Variants in TBC1D22A observed in about 807,000 individuals in gnomAD.
TBC1D22A encodes the protein TBC1 domain family member 22A, also known as putative GTPase activator.
A neutral mutation model predicts 60.2 loss-of-function variants in TBC1D22A; 38 were observed. That is an observed-to-expected ratio of 0.63 (90% CI 0.49 to 0.83). TBC1D22A has a LOEUF of 0.83. Among genes scored for constraint, TBC1D22A ranks in the 40% least tolerant of loss-of-function variants. The pLI, the probability that TBC1D22A is intolerant of heterozygous loss-of-function variation, is 0.00. For missense variants in TBC1D22A, 628 were observed against 701.0 expected (o/e 0.90, Z 1.18); for synonymous variants, 302 against 281.7 (o/e 1.07, Z -0.72).
intron 12 of TBC1D22A, among the ~76,000 whole-genome samples, chr22:47,154,957 G>C (rs564555552): frequency 6.6e-6 from 1 of 152,332 alleles, no homozygotes; most frequent in Admixed American, 6.5e-5. Context: ...GCTGCCCGCT[G>C]GGCATTTCTT....
chr22:46,963,517 G>A (rs1038893685), intron 8 of TBC1D22A, among the ~76,000 whole-genome samples: 4 of 152,180 alleles, frequency 2.6e-5, no homozygotes, highest in Non-Finnish European at 2.9e-5. Flanking sequence ...AGCTCCCAGC[G>A]AGCACTACAC....
At chr22:46,766,090 C>G (rs913372437) in intron 1 of TBC1D22A, among the ~76,000 whole-genome samples, 76 of 151,882 alleles carry the variant, frequency 5.0e-4, no homozygotes, top group Non-Finnish European at 9.4e-4. Flanking sequence ...CTCCGCCTCC[C>G]GGGTTCACGC....
intron 11 of TBC1D22A, among the ~76,000 whole-genome samples, chr22:47,089,338 A>G (rs5767478): frequency 0.44 from 66,741 of 152,176 alleles, 15,025 homozygotes; most frequent in East Asian, 0.58. Context: ...AGCAGCATGC[A>G]GGCAGAGCGG....
intron 10 of TBC1D22A, among the ~76,000 whole-genome samples, chr22:47,035,452 T>A (rs1258376993): frequency 6.6e-6 from 1 of 152,186 alleles, no homozygotes; most frequent in African/African-American, 2.4e-5. Flanking sequence ...GCTGTTCTGC[T>A]CCACCCAGTT....
chr22:46,926,718 A>G (rs1328319031), intron 8 of TBC1D22A, among the ~76,000 whole-genome samples: 1 of 152,224 alleles, frequency 6.6e-6, no homozygotes, highest in East Asian at 1.9e-4. Context: ...TTGAAGAAGT[A>G]GGAATTCTTC....
At chr22:47,101,312 GCCC>G (rs1192264830) in intron 11 of TBC1D22A, among the ~76,000 whole-genome samples, 5 of 152,014 alleles carry the variant, frequency 3.3e-5, no homozygotes, top group African/African-American at 1.2e-4. Flanking sequence ...GTGTCCCCCT[GCCC>G]CCCAAACCAG....
intron 12 of TBC1D22A, among the ~76,000 whole-genome samples, chr22:47,172,605 A>C (rs2068527287): frequency 6.6e-6 from 1 of 152,216 alleles, no homozygotes; most frequent in African/African-American, 2.4e-5. Flanking sequence ...AGTCTGATCA[A>C]ATGTCACTTC....
At chr22:47,074,557 A>G (rs1047929017) in intron 11 of TBC1D22A, among the ~76,000 whole-genome samples, 2 of 152,334 alleles carry the variant, frequency 1.3e-5, no homozygotes, top group South Asian at 2.1e-4. Flanking sequence ...TGAATAATTT[A>G]CTTCTTTGGC....
intron 12 of TBC1D22A, among the ~76,000 whole-genome samples, chr22:47,163,494 G>C (rs1200296232): frequency 6.6e-6 from 1 of 152,224 alleles, no homozygotes; most frequent in Non-Finnish European, 1.5e-5. Flanking sequence ...CGGTGTGTGC[G>C]ATTCAGTCCT....
At chr22:46,822,384 T>C (rs1008072994) in intron 4 of TBC1D22A, among the ~76,000 whole-genome samples, 24 of 152,186 alleles carry the variant, frequency 1.6e-4, no homozygotes, top group African/African-American at 5.3e-4. Flanking sequence ...GTTTGTCTAG[T>C]TTCGGTCTTT....
chr22:47,120,246 T>C (rs547413337), intron 12 of TBC1D22A, among the ~76,000 whole-genome samples: 34 of 152,216 alleles, frequency 2.2e-4, no homozygotes, highest in Non-Finnish European at 4.1e-4. Context: ...TAAGTAGAAC[T>C]AAAATTAATA....
At chr22:47,113,705 C>G (rs571052229) in intron 12 of TBC1D22A, among the ~76,000 whole-genome samples, 111 of 152,276 alleles carry the variant, frequency 7.3e-4, no homozygotes, top group Middle Eastern at 3.4e-3. Flanking sequence ...CAAGGTGGCT[C>G]GAGGCAGACC....
At chr22:46,883,241 A>C (rs1363555477) in intron 5 of TBC1D22A, among the ~76,000 whole-genome samples, 1 of 152,248 alleles carries the variant, frequency 6.6e-6, no homozygotes, top group Non-Finnish European at 1.5e-5. Flanking sequence ...GCATAGGAAC[A>C]CAGTGGGAGG....
chr22:46,950,483 G>A (rs1247118254), intron 8 of TBC1D22A, among the ~76,000 whole-genome samples: 2 of 152,190 alleles, frequency 1.3e-5, no homozygotes, highest in Admixed American at 1.3e-4. Context: ...AGGTCCTTGT[G>A]TCCACTGTGG....
chr22:47,142,721 G>A (rs2067151335), intron 12 of TBC1D22A, among the ~76,000 whole-genome samples: 1 of 9,154 alleles, frequency 1.1e-4, no homozygotes, highest in Non-Finnish European at 1.9e-4. Context: ...CCCCATTCAT[G>A]TATCCACCCA....
chr22:47,124,868 A>T (rs1469393734), intron 12 of TBC1D22A, among the ~76,000 whole-genome samples: 1 of 152,106 alleles, frequency 6.6e-6, no homozygotes, highest in Admixed American at 6.5e-5. Context: ...GGCCACTGGG[A>T]GGACAGGCGG....
At chr22:46,941,302 ACCCTT>A (rs2072037839) in intron 8 of TBC1D22A, among the ~76,000 whole-genome samples, 1 of 149,040 alleles carries the variant, frequency 6.7e-6, no homozygotes, top group Non-Finnish European at 1.5e-5. Context: ...TACACAGTCT[ACCCTT>A]GAACAGCATG....
chr22:47,053,660 T>A (rs1249251397), intron 11 of TBC1D22A, among the ~76,000 whole-genome samples: 1 of 152,228 alleles, frequency 6.6e-6, no homozygotes, highest in African/African-American at 2.4e-5. Context: ...TGAGGTAAAC[T>A]TGTGACATAT....
intron 1 of TBC1D22A, 112 bp downstream of exon 1, chr22:46,762,960 C>T (rs1601755956): frequency 6.2e-6 from 6 of 975,504 alleles, no homozygotes; most frequent in Non-Finnish European, 8.7e-6. Flanking sequence ...AACTTGGACT[C>T]TGAGGAGACT....
Sources: allele counts gnomAD v4.1 joint callset (sites outside exome capture counted in the v4.1 genomes callset), GRCh38; gene constraint gnomAD v4.1.1; transcripts MANE v1.5; gene names NCBI Gene and HGNC (gene_info 2026-07-23, HGNC 2026-07-21).